AFAP1L2: variants seen among roughly 807,000 people sequenced by gnomAD.
AFAP1L2 encodes the protein actin filament associated protein 1 like 2, also known as actin filament-associated protein 1-like 2.
A neutral mutation model predicts 99.3 loss-of-function variants in AFAP1L2; 46 were observed. The ratio of observed to expected loss-of-function variants is 0.46; its 90% CI spans 0.37 to 0.59. AFAP1L2 has a LOEUF of 0.59. AFAP1L2 is among the 20% of genes least tolerant of loss of function. The probability of loss-of-function intolerance (pLI) is 0.00; values close to 1 mark genes in which losing one functional copy is unlikely to be tolerated. For missense variants in AFAP1L2, 959 were observed against 1,034.9 expected (o/e 0.93, Z 1.01); for synonymous variants, 397 against 419.1 (o/e 0.95, Z 0.64).
intron 1 of AFAP1L2, among the ~76,000 whole-genome samples, chr10:114,380,943 T>C (rs1436818749): frequency 6.6e-6 from 1 of 152,198 alleles, no homozygotes; most frequent in East Asian, 1.9e-4. Context: ...GTTTCCCAAA[T>C]GATGAAACAT....
intron 1 of AFAP1L2, among the ~76,000 whole-genome samples, chr10:114,365,378 T>C (rs772297306): frequency 5.3e-5 from 8 of 152,170 alleles, no homozygotes; most frequent in Non-Finnish European, 1.2e-4. Flanking sequence ...GGCACCAAAC[T>C]CCCAGTCATT....
intron 4 of AFAP1L2, among the ~76,000 whole-genome samples, chr10:114,325,231 T>C (rs1347488929): frequency 6.6e-6 from 1 of 152,218 alleles, no homozygotes; most frequent in Non-Finnish European, 1.5e-5. Context: ...CAAAACGTGA[T>C]AGTGTTTCCA....
At chr10:114,348,908 C>A (rs1397444982) in intron 1 of AFAP1L2, among the ~76,000 whole-genome samples, 1 of 152,222 alleles carries the variant, frequency 6.6e-6, no homozygotes, top group African/African-American at 2.4e-5. Context: ...TTTATGAAGT[C>A]TTTTTACCTA....
chr10:114,393,673 C>T (rs2181007), intron 1 of AFAP1L2: 82,231 of 151,894 alleles, frequency 0.54, 22,363 homozygotes, highest in African/African-American at 0.57. Context: ...ATTCTCCCTC[C>T]GAGAACAAAA....
At chr10:114,325,806 C>T in intron 4 of AFAP1L2, 1 of 1,199,152 alleles carries the variant, frequency 8.3e-7, no homozygotes, top group South Asian at 1.4e-5. Flanking sequence ...TGAGAAAAGG[C>T]TGAGACAGTG....
chr10:114,299,316 A>G lies in AFAP1L2; in HGVS notation c.2057T>C (p.Leu686Pro). ...EKKKEEIRGH[L>P]AQLRKEKREL... ...CCGTTTCTCTTTCCGGAGCTGAGCC[A>G]GGTGCCCCCGGATTTCTTCCTTCTT... The change falls in exon 16 of 19, where the codon CTG becomes CCG. Residue 686 changes from leucine (L) to proline (P), a missense_variant. Leu to Pro is a moderately conservative substitution (Grantham distance 98). Coordinates refer to ENST00000304129, the MANE Select transcript of AFAP1L2 (RefSeq NM_001001936.3). 1 of 1,614,226 alleles carries G rather than the reference A, an allele frequency of 6.2e-7. No individual in the cohort carries two copies. Among genetic ancestry groups the G allele is most frequent in the Non-Finnish European group, 8.5e-7 (1 of 1,180,042 alleles).
chr10:114,340,076 A>T (rs61206876), intron 2 of AFAP1L2, among the ~76,000 whole-genome samples: 3,490 of 150,784 alleles, frequency 0.023, 145 homozygotes, highest in African/African-American at 0.081. Flanking sequence ...CACGCCTGTA[A>T]TCCCAGCACT....
chr10:114,380,972 A>G (rs1247412982), intron 1 of AFAP1L2, among the ~76,000 whole-genome samples: 1 of 152,248 alleles, frequency 6.6e-6, no homozygotes, highest in Admixed American at 6.5e-5. Flanking sequence ...ACATGACCCA[A>G]CAATTTCGCT....
chr10:114,330,104 C>T (rs2047007874), intron 4 of AFAP1L2, among the ~76,000 whole-genome samples: 1 of 152,142 alleles, frequency 6.6e-6, no homozygotes, highest in Non-Finnish European at 1.5e-5. Flanking sequence ...AGCTGTCACC[C>T]AGCTCAAGGG....
intron 1 of AFAP1L2, among the ~76,000 whole-genome samples, chr10:114,342,127 C>A (rs760866056): frequency 3.9e-5 from 6 of 152,202 alleles, no homozygotes; most frequent in Non-Finnish European, 8.8e-5. Context: ...TATTGGGAAG[C>A]TGCTGATTGC....
chr10:114,302,853 A>G (rs1252238065), intron 11 of AFAP1L2, among the ~76,000 whole-genome samples: 1 of 152,200 alleles, frequency 6.6e-6, no homozygotes, highest in Non-Finnish European at 1.5e-5. Context: ...AAAAAATTGT[A>G]TGTCTTTTAA....
chr10:114,311,182 A>T (rs1181069575), intron 7 of AFAP1L2, among the ~76,000 whole-genome samples: 1 of 152,190 alleles, frequency 6.6e-6, no homozygotes, highest in African/African-American at 2.4e-5. Context: ...GGGTTTGGGC[A>T]GTCAGAGGAA....
chr10:114,400,492 GT>G (rs2058126333), intron 1 of AFAP1L2, among the ~76,000 whole-genome samples: 1 of 152,168 alleles, frequency 6.6e-6, no homozygotes, highest in African/African-American at 2.4e-5. Context: ...ATTTGAGATC[GT>G]TTTTAAGCAA....
chr10:114,340,006 G>A (rs1405992837), intron 2 of AFAP1L2, among the ~76,000 whole-genome samples: 10 of 83,656 alleles, frequency 1.2e-4, no homozygotes, highest in East Asian at 9.9e-4. Context: ...GCAAGACCCC[G>A]TCTCAAAAAA....
chr10:114,375,448 T>A (rs1027789608), intron 1 of AFAP1L2, among the ~76,000 whole-genome samples: 2 of 152,238 alleles, frequency 1.3e-5, no homozygotes, highest in African/African-American at 4.8e-5. Flanking sequence ...TCCACAAACT[T>A]TTTATTGACA....
intron 4 of AFAP1L2, among the ~76,000 whole-genome samples, chr10:114,327,615 GTGGCCACTCGGGACCT>G: frequency 6.6e-6 from 1 of 152,276 alleles, no homozygotes; most frequent in Non-Finnish European, 1.5e-5. Context: ...TTAGGGACTT[GTGGCCACTCGGGACCT>G]CTGTCTTATC....
intron 1 of AFAP1L2, among the ~76,000 whole-genome samples, chr10:114,380,202 G>A (rs1198085921): frequency 6.6e-6 from 1 of 152,184 alleles, no homozygotes; most frequent in African/African-American, 2.4e-5. Flanking sequence ...TCTACCATGA[G>A]AAAGCCAATG....
At chr10:114,342,251 C>T (rs562536376) in intron 1 of AFAP1L2, among the ~76,000 whole-genome samples, 1 of 152,334 alleles carries the variant, frequency 6.6e-6, no homozygotes, top group African/African-American at 2.4e-5. Context: ...TCATCCAACA[C>T]TCCTAGTGTG....
intron 4 of AFAP1L2, 132 bp from the exon 5 acceptor site, chr10:114,323,393 G>A: frequency 1.4e-6 from 1 of 710,700 alleles, no homozygotes; most frequent in Non-Finnish European, 2.4e-6. Context: ...CAAGTTGGGA[G>A]GGAGAACATG....
Sources: allele counts gnomAD v4.1 joint callset (sites outside exome capture counted in the v4.1 genomes callset), GRCh38; gene constraint gnomAD v4.1.1; transcripts MANE v1.5; gene names NCBI Gene and HGNC (gene_info 2026-07-23, HGNC 2026-07-21).